Variants in FSIP2 observed in about 807,000 individuals in gnomAD.
The protein encoded by FSIP2 is fibrous sheath interacting protein 2.
Under a neutral mutation model 510.5 loss-of-function variants are expected in FSIP2, and 367 were observed. The ratio of observed to expected loss-of-function variants is 0.72; its 90% CI spans 0.66 to 0.78. The LOEUF is 0.78. Ranked by LOEUF, FSIP2 falls within the 30% of genes least tolerant of loss-of-function variation. FSIP2 has a pLI of 0.00. For synonymous variants in FSIP2, 2,601 were observed against 2,732.2 expected (o/e 0.95, Z 1.50); for missense variants, 7,594 against 7,901.7 (o/e 0.96, Z 1.48).
intron 9 of FSIP2, among the ~76,000 whole-genome samples, chr2:185,757,034 C>T (rs534810935): frequency 6.6e-6 from 1 of 151,474 alleles, no homozygotes; most frequent in Admixed American, 6.6e-5. Context: ...GTTAATTTAA[C>T]TCCAGAATTC....
intron 6 of FSIP2, 47 bp downstream of exon 6, chr2:185,746,857 T>A: frequency 7.7e-7 from 1 of 1,295,862 alleles, no homozygotes; most frequent in Non-Finnish European, 1.0e-6. Flanking sequence ...TTGTGTACAG[T>A]TGTTGCATTT....
chr2:185,751,838 G>A (rs1399593159), intron 7 of FSIP2, among the ~76,000 whole-genome samples: 2 of 148,840 alleles, frequency 1.3e-5, no homozygotes, highest in African/African-American at 2.4e-5. Context: ...TAGTATAAGA[G>A]CTTTACAGTA....
chr2:185,766,742 T>C (rs1692492319), intron 13 of FSIP2, among the ~76,000 whole-genome samples: 1 of 148,958 alleles, frequency 6.7e-6, no homozygotes. Flanking sequence ...AGTTCAACCA[T>C]TGTGGAAGTC....
upstream of FSIP2, chr2:185,738,735 C>T (rs1225418366): frequency 2.0e-6 from 3 of 1,536,022 alleles, no homozygotes; most frequent in East Asian, 7.3e-5. Flanking sequence ...AGGCCACCGC[C>T]CTTCTGGGGC....
Position 185,807,301 on chromosome 2 carries a change from C to T in FSIP2, c.17995C>T (p.Gln5999Ter). The T allele has an allele frequency of 6.2e-7, 1 of 1,612,660 alleles. No homozygotes were observed. Residue 5999 changes from glutamine (Q) to a stop codon, truncating the protein, a stop_gained, in exon 17 of 23, where the codon CAA (glutamine) becomes TAA (stop). Coordinates refer to ENST00000424728, the MANE Select transcript of FSIP2 (RefSeq NM_173651.4). LOFTEE classifies it high-confidence loss of function. ...GGCCCAAACAGCCAGCAAAGAATGTCAAACTTCATCACCATATACAATAAT... is the reference window on the plus strand; with the variant it reads ...GGCCCAAACAGCCAGCAAAGAATGTTAAACTTCATCACCATATACAATAAT... ...KLAQTASKEC[Q>*]TSSPYTIILP...
rs1182668316 is a variant in FSIP2, at chr2:185,750,602, T to TG, written c.871-3119dup. Among the ~76,000 whole-genome samples the TG allele has an allele frequency of 1.4e-3, 39 of 27,004 alleles. No homozygotes were observed. The South Asian group carries it at 0.1, about 73-fold the overall frequency. The allele number at this position is 27,004 out of a possible 152,430, so 17.7% of individuals were successfully genotyped here. A position where few individuals can be genotyped will look rare whatever the true frequency, so the allele number is the denominator to read the frequency against. ...AGTTTTTAGTTTTAATGCATTTCTC[T>TG]GTTTTTTTTTTTTCTATTTTGTTGA... On this transcript the variant is annotated intron_variant, in intron 7 of 22. Coordinates refer to ENST00000424728, the MANE Select transcript of FSIP2 (RefSeq NM_173651.4).
intron 2 of FSIP2, among the ~76,000 whole-genome samples, 185 bp from the exon 3 acceptor site, chr2:185,742,948 G>A (rs1254027462): frequency 6.6e-6 from 1 of 152,152 alleles, no homozygotes; most frequent in African/African-American, 2.4e-5. Flanking sequence ...GATAATTTAT[G>A]CAGGTGAGGA....
chr2:185,744,747 A>T (rs965054834), intron 4 of FSIP2: 1 of 153,848 alleles, frequency 6.5e-6, no homozygotes, highest in Non-Finnish European at 1.4e-5. Flanking sequence ...TTGAAACCTA[A>T]AACAGTTTGA....
rs1257430000 is a variant in FSIP2 at position 185,802,727 on chromosome 2, G to A, written c.13421G>A (p.Arg4474Lys). The A allele has an allele frequency of 6.6e-7, 1 of 1,518,974 alleles. No individual in the cohort carries two copies. Among genetic ancestry groups the A allele is most frequent in the East Asian group, 2.5e-5 (1 of 40,778 alleles). The allele number at this position is 1,518,974 out of a possible 1,614,324, so 94.1% of individuals were successfully genotyped here. A position where few individuals can be genotyped will look rare whatever the true frequency, so the allele number is the denominator to read the frequency against. ...TACACATTTTTAGAAGATATGATCA[G>A]AGTACTATTATCTAAATTATTTTCT... The part of the protein sequence containing the change: ...LPYTFLEDMI[R>K]VLLSKLFSSA... The change falls in exon 17 of 23, where the codon AGA (arginine) becomes AAA (lysine). Residue 4474 changes from arginine to lysine, a missense_variant. Arg to Lys is a conservative substitution (Grantham distance 26). Transcript: ENST00000424728.
intron 7 of FSIP2, among the ~76,000 whole-genome samples, chr2:185,749,012 T>C (rs563150607): frequency 2.6e-4 from 39 of 152,242 alleles, no homozygotes; most frequent in Non-Finnish European, 4.6e-4. Flanking sequence ...GATCTATTTT[T>C]GGACTCTCTT....
intron 7 of FSIP2, among the ~76,000 whole-genome samples, chr2:185,749,292 G>A (rs548956962): frequency 2.0e-5 from 3 of 151,658 alleles, no homozygotes; most frequent in Admixed American, 1.3e-4. Flanking sequence ...CACATATGTC[G>A]CTCCATTTAT....
At chr2:185,776,460 A>G (rs1350641907) in intron 13 of FSIP2, among the ~76,000 whole-genome samples, 2 of 151,826 alleles carry the variant, frequency 1.3e-5, no homozygotes. Context: ...CTGGGTGTAT[A>G]TTTCTTCTAT....
chr2:185,741,268 A>AT (rs1009818879), intron 2 of FSIP2, among the ~76,000 whole-genome samples: 8 of 113,342 alleles, frequency 7.1e-5, no homozygotes, highest in African/African-American at 2.7e-4. Context: ...TTCTCCCAAA[A>AT]TTTATTCATT....
In FSIP2 at chr2:185,800,568, T is replaced by C. The variant is rs907471401; in HGVS notation, c.11262T>C (p.Asn3754=). The C allele has an allele frequency of 3.3e-6, 5 of 1,528,672 alleles. No homozygotes were observed. In the African/African-American group the frequency reaches 5.5e-5, roughly 17 times the overall value. The allele number at this position is 1,528,672 out of a possible 1,614,324, so 94.7% of individuals were successfully genotyped here. ...CCTCAAAATCAGTTTTTCTTCTCAA[T>C]GTTGTATGTGAGAAACTTATCAGAA... ...QLSSKSVFLL[N]VVCEKLIRIL... is the part of the protein sequence containing the mutation. Residue 3754 remains asparagine, a synonymous_variant, in exon 17 of 23, where the codon AAT becomes AAC. Transcript: ENST00000424728.
chr2:185,748,885 A>T (rs1692088233), intron 7 of FSIP2, among the ~76,000 whole-genome samples: 1 of 152,072 alleles, frequency 6.6e-6, no homozygotes, highest in Non-Finnish European at 1.5e-5. Context: ...TTTGTGTTTC[A>T]TTACATTATT....
Position 185,791,860 on chromosome 2 carries a change from C to A in FSIP2, c.4724C>A (p.Pro1575Gln). The A allele has an allele frequency of 6.5e-7, 1 of 1,533,734 alleles. No homozygotes were observed. The highest frequency in any genetic ancestry group is 8.7e-7 in the Non-Finnish European group (1 of 1,145,424). The change falls in exon 16 of 23, where the codon CCA becomes CAA. Residue 1575 changes from proline to glutamine, a missense_variant. By Grantham distance (76) the Pro-to-Gln change is moderately conservative. Transcript: ENST00000424728. ...SKTPSTKEMH[P>Q]NKLKAVASDI... ...ACACCAAGCACAAAAGAAATGCATC[C>A]AAATAAACTAAAAGCTGTAGCTTCA... is the stretch of plus-strand genomic sequence containing the variant.
At chr2:185,818,399 C>A (rs1693861659) in intron 19 of FSIP2, among the ~76,000 whole-genome samples, 1 of 151,640 alleles carries the variant, frequency 6.6e-6, no homozygotes, top group African/African-American at 2.4e-5. Flanking sequence ...GAGAAAGAAA[C>A]AGATAGATTA....
chr2:185,766,847 T>G (rs1574164407), intron 13 of FSIP2, among the ~76,000 whole-genome samples: 2 of 129,498 alleles, frequency 1.5e-5, no homozygotes, highest in Admixed American at 7.8e-5. Flanking sequence ...TAAATCATGC[T>G]GCTATAAAGA....
chr2:185,802,517 AT>A lies in FSIP2; in HGVS notation c.13212del (p.Asn4404LysfsTer5). The A allele has an allele frequency of 6.5e-7, 1 of 1,531,742 alleles. No individual in the cohort carries two copies. Among genetic ancestry groups the A allele is most frequent in the South Asian group, 1.2e-5 (1 of 83,540 alleles). The allele number at this position is 1,531,742 out of a possible 1,614,324, so 94.9% of individuals were successfully genotyped here. A position where few individuals can be genotyped will look rare whatever the true frequency, so the allele number is the denominator to read the frequency against. On this transcript the variant is annotated frameshift_variant, in exon 17 of 23. Coordinates refer to ENST00000424728, the MANE Select transcript of FSIP2 (RefSeq NM_173651.4). LOFTEE classifies it high-confidence loss of function. ...GAAGACAGTGGCATTTTTGTGGAAAATATTACCAATTTAATTGTAGCAGCTA... is the reference window on the plus strand; with the variant it reads ...GAAGACAGTGGCATTTTTGTGGAAAAATTACCAATTTAATTGTAGCAGCTA... ...ESEDSGIFVE[N>X]ITNLIVAAIS... is the part of the protein sequence containing the mutation.
Sources: allele counts gnomAD v4.1 joint callset (sites outside exome capture counted in the v4.1 genomes callset), GRCh38; gene constraint gnomAD v4.1.1; transcripts MANE v1.5; gene names NCBI Gene and HGNC (gene_info 2026-07-23, HGNC 2026-07-21).